DNAH14: variants seen among roughly 807,000 people sequenced by gnomAD.
DNAH14 encodes the protein axonemal beta dynein heavy chain 14.
In DNAH14, 478 loss-of-function variants were observed where a neutral mutation model predicts 520.9. The ratio of observed to expected loss-of-function variants is 0.92; its 90% confidence interval spans 0.85 to 0.99. The LOEUF (loss-of-function observed/expected upper bound fraction) is 0.99, where lower values mean the gene tolerates loss of function less well. Among genes scored for constraint, DNAH14 ranks in the 50% least tolerant of loss-of-function variants. DNAH14 has a pLI of 0.00. For missense variants in DNAH14, 4,831 were observed against 5,234.5 expected (o/e 0.92, Z 2.38); for synonymous variants, 1,581 against 1,757.2 (o/e 0.90, Z 2.51).
At chr1:225,364,384 T>C (rs780877263) in intron 75 of DNAH14, among the ~76,000 whole-genome samples, 1 of 152,214 alleles carries the variant, frequency 6.6e-6, no homozygotes, top group African/African-American at 2.4e-5. Flanking sequence ...AGAGCTTTTC[T>C]TTCTCTTCCC....
At chr1:224,973,777 C>T (rs746049533) in intron 7 of DNAH14, among the ~76,000 whole-genome samples, 41 of 152,066 alleles carry the variant, frequency 2.7e-4, no homozygotes, top group Admixed American at 2.4e-3. Flanking sequence ...AGTCTCTTTT[C>T]GAAGTAAGCC....
At chr1:224,961,863 G>A (rs1413806710) in intron 4 of DNAH14, among the ~76,000 whole-genome samples, 2 of 152,032 alleles carry the variant, frequency 1.3e-5, no homozygotes, top group African/African-American at 4.8e-5. Context: ...GGTATCTAGT[G>A]TAAGAAAGGC....
chr1:224,939,783 C>A (rs1558455416), intron 1 of DNAH14, among the ~76,000 whole-genome samples: 3 of 152,294 alleles, frequency 2.0e-5, no homozygotes, highest in Non-Finnish European at 4.4e-5. Flanking sequence ...TAATTTTTAT[C>A]TGTGAACCTC....
Position 225,392,273 on chromosome 1 carries a change from G to C in DNAH14, c.13331-18G>C. 6.4e-7 allele frequency: 1 copy of C among 1,552,064 alleles called. No homozygotes were observed. The highest frequency in any genetic ancestry group is 8.7e-7 in the Non-Finnish European group (1 of 1,146,954). On this transcript the variant is annotated intron_variant, in intron 83 of 85. Coordinates refer to ENST00000682510, the MANE Select transcript of DNAH14 (RefSeq NM_001367479.1). ...TGAGACTCACAAGGAACTTGATGGT[G>C]TGTGTTCTTCTCCAAAGCCTTTCTT...
chr1:225,007,565 T>C, intron 10 of DNAH14, 21 bp downstream of exon 10: 1 of 1,479,262 alleles, frequency 6.8e-7, no homozygotes, highest in Non-Finnish European at 9.0e-7. Context: ...AATTATATCA[T>C]ATTTATCAAA....
chr1:225,256,176 T>G (rs974461056), intron 44 of DNAH14, among the ~76,000 whole-genome samples: 5 of 152,192 alleles, frequency 3.3e-5, no homozygotes, highest in African/African-American at 9.7e-5. Context: ...AGAATTTAGT[T>G]TTAGTCTAAT....
Position 225,346,078 on chromosome 1 carries a change from A to G in DNAH14, c.10795A>G (p.Ile3599Val), listed in dbSNP as rs1365038621. 4 of 1,551,610 alleles carry G rather than the reference A, an allele frequency of 2.6e-6. No homozygotes were observed. In the African/African-American group the frequency reaches 5.5e-5, roughly 21 times the overall value. ...TKKAESEIQA[I>V]RKNYLPIATR... ...AAAAGCTGAAAGTGAAATCCAAGCAATACGTAAAAACTATCTCCCCATTGC... is the reference window on the plus strand; with the variant it reads ...AAAAGCTGAAAGTGAAATCCAAGCAGTACGTAAAAACTATCTCCCCATTGC... The change falls in exon 70 of 86, where the codon ATA becomes GTA. Residue 3599 changes from isoleucine to valine, a missense_variant. Transcript: ENST00000682510.
At chr1:225,362,305 T>C (rs1182675462) in intron 75 of DNAH14, among the ~76,000 whole-genome samples, 1 of 152,022 alleles carries the variant, frequency 6.6e-6, no homozygotes, top group Non-Finnish European at 1.5e-5. Context: ...CCGGGCGCGG[T>C]GGCTCACACC....
rs1467154526 is a variant in DNAH14 at position 225,290,643 on chromosome 1, GTGTGTATATATATATATATA to G, written c.8469+563_8469+582del. Among the ~76,000 whole-genome samples the G allele has an allele frequency of 2.5e-3, 129 of 51,144 alleles. 5 individuals carry two copies. The highest frequency in any genetic ancestry group is 0.012 in the African/African-American group (117 of 9,730). The allele number at this position is 51,144 out of a possible 152,430, so 33.6% of individuals were successfully genotyped here. A position where few individuals can be genotyped will look rare whatever the true frequency, so the allele number is the denominator to read the frequency against. ...TGTGTATAGATATATGTGTGTGTGT[GTGTGTATATATATATATATA>G]TATATATATATATATATATATATAT... is the stretch of plus-strand genomic sequence containing the variant. On this transcript the variant is annotated intron_variant, in intron 55 of 85. Coordinates refer to ENST00000682510, the MANE Select transcript of DNAH14 (RefSeq NM_001367479.1).
chr1:225,141,704 A>C (rs750391460), intron 28 of DNAH14, among the ~76,000 whole-genome samples: 9 of 152,166 alleles, frequency 5.9e-5, no homozygotes, highest in Non-Finnish European at 1.0e-4. Context: ...CTCTACCTCC[A>C]GCCTCTTCTT....
intron 77 of DNAH14, among the ~76,000 whole-genome samples, chr1:225,370,082 G>C (rs905427960): frequency 6.6e-6 from 1 of 152,116 alleles, no homozygotes; most frequent in Admixed American, 6.6e-5. Flanking sequence ...CTAAGGTCGG[G>C]AGTTAGAGAC....
intron 27 of DNAH14, among the ~76,000 whole-genome samples, chr1:225,139,749 G>A (rs956479816): frequency 2.0e-5 from 3 of 152,194 alleles, no homozygotes; most frequent in African/African-American, 4.8e-5. Context: ...CCTGTTGGAT[G>A]TTCTCTCCTG....
At chr1:225,153,970 A>G in intron 34 of DNAH14, 144 bp downstream of exon 34, 1 of 527,068 alleles carries the variant, frequency 1.9e-6, no homozygotes, top group South Asian at 5.0e-5. Context: ...TTATTTAAGA[A>G]TATGAAAGAA....
chr1:225,331,667 T>C (rs545144667), intron 65 of DNAH14, 90 bp downstream of exon 65: 38 of 1,491,180 alleles, frequency 2.5e-5, no homozygotes, highest in Non-Finnish European at 3.4e-5. Flanking sequence ...GGCTGTATCA[T>C]ATACCTTCTA....
In DNAH14 at chr1:225,385,532, C is replaced by T. The variant is rs537324165; in HGVS notation, c.13078-2847C>T. Among the ~76,000 whole-genome samples, 3 of 152,344 alleles carry T rather than the reference C, an allele frequency of 2.0e-5. No individual in the cohort carries two copies. The East Asian group carries it at 5.8e-4, about 29-fold the overall frequency. ...AGCTGATAAGCAACTTCAGCAAAGT[C>T]TCAGGATACCAAATCAATGTGCAAA... is the stretch of plus-strand genomic sequence containing the variant. On this transcript the variant is annotated intron_variant, in intron 81 of 85. Coordinates refer to ENST00000682510, the MANE Select transcript of DNAH14 (RefSeq NM_001367479.1).
In DNAH14 at chr1:224,929,822, C is replaced by T; in HGVS notation, c.-47C>T. On this transcript the variant is annotated 5_prime_UTR_variant, in exon 1 of 86. Coordinates refer to ENST00000682510, the MANE Select transcript of DNAH14 (RefSeq NM_001367479.1). ...AGGAAGGGCCACAACGGCCGTCGGA[C>T]CACGGCGCGGCGGGTAAGGTCGTCA... 2.9e-6 allele frequency: 2 copies of T among 693,734 alleles called. No individual in the cohort carries two copies. The highest frequency in any genetic ancestry group is 5.3e-6 in the Non-Finnish European group (2 of 378,624). The allele number at this position is 693,734 out of a possible 1,614,324, so 43.0% of individuals were successfully genotyped here.
At chr1:225,205,930 G>A (rs1022489739) in intron 39 of DNAH14, 41 bp from the exon 40 acceptor site, 2 of 1,440,772 alleles carry the variant, frequency 1.4e-6, no homozygotes, top group African/African-American at 1.4e-5. Context: ...AAAGATGACG[G>A]ACATTAGTCT....
chr1:224,949,587 T>G (rs1001943940), intron 1 of DNAH14, among the ~76,000 whole-genome samples: 1 of 152,246 alleles, frequency 6.6e-6, no homozygotes, highest in Admixed American at 6.5e-5. Context: ...ATAAGATTAC[T>G]GTTTGGGAAA....
At chr1:225,243,410 A>G (rs1334249399) in intron 43 of DNAH14, among the ~76,000 whole-genome samples, 1 of 152,090 alleles carries the variant, frequency 6.6e-6, no homozygotes, top group Non-Finnish European at 1.5e-5. Context: ...AAAAAATTAT[A>G]ATTACATTGC....
Sources: gnomAD v4.1 joint callset for allele counts (sites outside exome capture counted in the v4.1 genomes callset) on GRCh38, gnomAD v4.1.1 for gene constraint, MANE v1.5 for transcripts, NCBI Gene and HGNC (gene_info 2026-07-23, HGNC 2026-07-21) for gene names.